The following DLGAP1 variants were observed in gnomAD, a reference collection of about 807,000 sequenced individuals.
DLGAP1 encodes disks large-associated protein 1.
DLGAP1 carries 11 observed loss-of-function variants against 90.8 expected under a neutral mutation model. The ratio of observed to expected loss-of-function variants is 0.12; its 90% CI spans 0.08 to 0.20. The LOEUF (loss-of-function observed/expected upper bound fraction) is 0.20, where lower values mean the gene tolerates loss of function less well. Among genes scored for constraint, DLGAP1 ranks in the 10% least tolerant of loss-of-function variants. The probability of loss-of-function intolerance (pLI) is 1.00; values close to 1 mark genes in which losing one functional copy is unlikely to be tolerated. For missense variants in DLGAP1, 1,050 were observed against 1,333.8 expected (o/e 0.79, Z 3.31); for synonymous variants, 558 against 540.7 (o/e 1.03, Z -0.44).
chr18:4,243,065 C>T (rs111862912), intron 1 of DLGAP1, among the ~76,000 whole-genome samples: 1,901 of 152,226 alleles, frequency 0.012, 30 homozygotes, highest in African/African-American at 0.042. Flanking sequence ...CTCACCTGCC[C>T]TCTCACCGCT....
intron 1 of DLGAP1, among the ~76,000 whole-genome samples, chr18:4,306,320 A>AG: frequency 6.6e-6 from 1 of 152,252 alleles, no homozygotes; most frequent in East Asian, 1.9e-4. Flanking sequence ...TATTAGAAGA[A>AG]GGAAGACCCA....
intron 7 of DLGAP1, among the ~76,000 whole-genome samples, chr18:3,591,802 G>C (rs1404553926): frequency 1.3e-5 from 2 of 152,114 alleles, no homozygotes; most frequent in East Asian, 3.9e-4. Context: ...AGGATAGCAT[G>C]GGCCTGTTTT....
chr18:3,889,098 C>G lies in DLGAP1; in HGVS notation c.-72-8958G>C, dbSNP rs1039101426. 1.4e-4 allele frequency among the ~76,000 whole-genome samples: 21 copies of G among 152,144 alleles called. 1 individual carries two copies. The East Asian group carries it at 3.5e-3, about 25-fold the overall frequency. On this transcript the variant is annotated intron_variant, in intron 3 of 12. Coordinates refer to ENST00000315677, the MANE Select transcript of DLGAP1 (RefSeq NM_004746.4). ...AGAATATTCACAGAGAAGAGAAAAA[C>G]CCATCAGCGTTTACTCCAAAAAAAG...
intron 7 of DLGAP1, among the ~76,000 whole-genome samples, chr18:3,652,163 C>CAAAAAA (rs756445206): frequency 1.7e-4 from 16 of 93,274 alleles, no homozygotes; most frequent in East Asian, 3.5e-4. Flanking sequence ...GACTCTGTAT[C>CAAAAAA]AAAAAAAAAA....
At chr18:4,308,866 A>G (rs749393881) in intron 1 of DLGAP1, among the ~76,000 whole-genome samples, 9 of 152,246 alleles carry the variant, frequency 5.9e-5, no homozygotes, top group Non-Finnish European at 1.0e-4. Context: ...CCAAGCTAAA[A>G]TAAGTTACTA....
At chr18:4,138,259 T>C (rs2144280676) in intron 2 of DLGAP1, among the ~76,000 whole-genome samples, 1 of 152,230 alleles carries the variant, frequency 6.6e-6, no homozygotes, top group South Asian at 2.1e-4. Context: ...CGTACACACC[T>C]TTTATTGTGT....
intron 1 of DLGAP1, among the ~76,000 whole-genome samples, chr18:4,302,643 G>C (rs1306408633): frequency 6.6e-6 from 1 of 152,036 alleles, no homozygotes; most frequent in African/African-American, 2.4e-5. Flanking sequence ...TTTTGAATTA[G>C]GTAGTGTGAT....
chr18:3,768,285 T>G (rs557302890), intron 5 of DLGAP1, among the ~76,000 whole-genome samples: 2 of 152,098 alleles, frequency 1.3e-5, no homozygotes, highest in Admixed American at 1.3e-4. Flanking sequence ...ATGGCACTGA[T>G]GAAATAAATC....
At chr18:4,246,919 A>C (rs1261540537) in intron 1 of DLGAP1, among the ~76,000 whole-genome samples, 4 of 152,202 alleles carry the variant, frequency 2.6e-5, no homozygotes, top group Non-Finnish European at 4.4e-5. Flanking sequence ...CAATTCTTTC[A>C]TCATCATATC....
At chr18:4,381,924 C>T (rs775742016) in intron 1 of DLGAP1, among the ~76,000 whole-genome samples, 20 of 152,108 alleles carry the variant, frequency 1.3e-4, no homozygotes, top group South Asian at 2.1e-4. Context: ...GCAAAAGACA[C>T]GTCTTACACG....
At chr18:3,510,238 C>T (rs72856871) in intron 10 of DLGAP1, among the ~76,000 whole-genome samples, 24,926 of 152,154 alleles carry the variant, frequency 0.16, 2,199 homozygotes, top group Middle Eastern at 0.27. Flanking sequence ...CTTTCCCATC[C>T]GTAAAATGGG....
chr18:4,142,277 G>C (rs897070395), intron 2 of DLGAP1, among the ~76,000 whole-genome samples: 6 of 152,084 alleles, frequency 3.9e-5, no homozygotes, highest in African/African-American at 1.4e-4. Flanking sequence ...GCTTCTTTCA[G>C]AGAGTAGTTA....
intron 1 of DLGAP1, among the ~76,000 whole-genome samples, chr18:4,266,365 A>G (rs565739084): frequency 2.0e-5 from 3 of 152,296 alleles, no homozygotes; most frequent in South Asian, 2.1e-4. Flanking sequence ...CAGACTAGAG[A>G]GCACAGAAAA....
intron 3 of DLGAP1, among the ~76,000 whole-genome samples, chr18:3,989,630 A>T (rs1278476936): frequency 6.6e-6 from 1 of 152,238 alleles, no homozygotes; most frequent in East Asian, 1.9e-4. Flanking sequence ...TTTGAAGTTA[A>T]AAAACAAAGG....
At chr18:4,031,081 C>T (rs940702995) in intron 2 of DLGAP1, among the ~76,000 whole-genome samples, 2 of 152,026 alleles carry the variant, frequency 1.3e-5, no homozygotes, top group African/African-American at 4.8e-5. Context: ...TCAAACATGG[C>T]GCCATTCCTA....
intron 2 of DLGAP1, among the ~76,000 whole-genome samples, chr18:4,089,523 A>G (rs1374275679): frequency 6.6e-6 from 1 of 152,194 alleles, no homozygotes; most frequent in East Asian, 1.9e-4. Flanking sequence ...AACAAAGCTG[A>G]AGCCATCCCA....
At chr18:3,868,188 C>T (rs1050284640) in intron 4 of DLGAP1, among the ~76,000 whole-genome samples, 2 of 152,106 alleles carry the variant, frequency 1.3e-5, no homozygotes, top group Admixed American at 1.3e-4. Flanking sequence ...GATCTAAAAT[C>T]GACTAGAAGG....
chr18:4,038,148 C>CA (rs1399360761), intron 2 of DLGAP1, among the ~76,000 whole-genome samples: 1 of 152,162 alleles, frequency 6.6e-6, no homozygotes, highest in African/African-American at 2.4e-5. Context: ...CTAGATGCTA[C>CA]AGTTCCAATG....
chr18:4,215,423 A>G (rs2077932910), intron 1 of DLGAP1, among the ~76,000 whole-genome samples: 1 of 152,186 alleles, frequency 6.6e-6, no homozygotes, highest in African/African-American at 2.4e-5. Context: ...ACAAATAACT[A>G]AGGGGACGAG....
Sources: allele counts gnomAD v4.1 joint callset (sites outside exome capture counted in the v4.1 genomes callset), GRCh38; gene constraint gnomAD v4.1.1; transcripts MANE v1.5; gene names NCBI Gene and HGNC (gene_info 2026-07-23, HGNC 2026-07-21).